The following MCPH1 variants were observed in gnomAD, a reference collection of about 807,000 sequenced individuals.
MCPH1 encodes microcephalin.
Under a neutral mutation model 84.5 loss-of-function variants are expected in MCPH1, and 104 were observed. That is an observed-to-expected ratio of 1.23 (90% CI 1.05 to 1.45). The LOEUF is 1.45. Ranked by LOEUF, MCPH1 falls within the 40% of genes most tolerant of loss-of-function variation. The probability of loss-of-function intolerance (pLI) is 0.00; values close to 1 mark genes in which losing one functional copy is unlikely to be tolerated. For missense variants in MCPH1, 1,498 were observed against 1,005.7 expected, an observed-to-expected ratio of 1.49 and a Z score of -6.62; for synonymous variants, 514 against 366.8, an observed-to-expected ratio of 1.40 and a Z score of -4.58.
At chr8:6,494,104 C>T (rs1810971308) in intron 11 of MCPH1, 1 of 152,080 alleles carries the variant, frequency 6.6e-6, no homozygotes, top group African/African-American at 2.4e-5. Flanking sequence ...CCACACCTGG[C>T]TAATTTTTAT....
At chr8:6,527,708 TA>T (rs1276035981) in intron 12 of MCPH1, 2 of 1,558,292 alleles carry the variant, frequency 1.3e-6, no homozygotes, top group South Asian at 1.2e-5. Flanking sequence ...TCCTATTAAT[TA>T]TTTTTTAATT....
intron 9 of MCPH1, among the ~76,000 whole-genome samples, chr8:6,458,365 G>A (rs1331803340): frequency 6.6e-6 from 1 of 151,470 alleles, no homozygotes; most frequent in Non-Finnish European, 1.5e-5. Context: ...CCAGCTCCTC[G>A]GAAGGCTGAG....
intron 13 of MCPH1, among the ~76,000 whole-genome samples, chr8:6,630,962 T>A (rs1797117313): frequency 6.6e-6 from 1 of 152,128 alleles, no homozygotes; most frequent in Non-Finnish European, 1.5e-5. Context: ...TAACCTCTCA[T>A]CCAACACAGA....
chr8:6,627,327 AGAG>A, intron 13 of MCPH1: 1 of 979,976 alleles, frequency 1.0e-6, no homozygotes, highest in African/African-American at 1.7e-5. Context: ...AGAGTGGCAG[AGAG>A]GAGAGTGAGG....
At chr8:6,605,927 C>A (rs899618469) in intron 12 of MCPH1, among the ~76,000 whole-genome samples, 1 of 152,108 alleles carries the variant, frequency 6.6e-6, no homozygotes, top group African/African-American at 2.4e-5. Context: ...GAATGCCTGA[C>A]CTCAAGTGAT....
chr8:6,470,977 C>A (rs1389750622), intron 9 of MCPH1, among the ~76,000 whole-genome samples: 1 of 152,210 alleles, frequency 6.6e-6, no homozygotes, highest in African/African-American at 2.4e-5. Flanking sequence ...TCATCTTATT[C>A]TTTCTCTAAA....
intron 12 of MCPH1, among the ~76,000 whole-genome samples, chr8:6,505,293 A>ATT (rs1563305690): frequency 3.6e-4 from 25 of 69,568 alleles, no homozygotes; most frequent in East Asian, 1.8e-3. Context: ...TATGTTATAT[A>ATT]CATATATATG....
At chr8:6,442,235 G>T in intron 7 of MCPH1, 79 bp downstream of exon 7, 1 of 892,276 alleles carries the variant, frequency 1.1e-6, no homozygotes. Context: ...ATTTCATGTA[G>T]CAACTTCTGA....
At chr8:6,471,030 C>G (rs897321926) in intron 9 of MCPH1, among the ~76,000 whole-genome samples, 2 of 152,170 alleles carry the variant, frequency 1.3e-5, no homozygotes, top group Admixed American at 6.5e-5. Flanking sequence ...TATCGAAGGT[C>G]CTTTTTTTTC....
chr8:6,505,388 T>TACATAAAGA lies in MCPH1; in HGVS notation c.2214+5460_2214+5461insCATAAAGAA, dbSNP rs1563306744. 3.9e-3 allele frequency among the ~76,000 whole-genome samples: 241 copies of TACATAAAGA among 62,100 alleles called. 33 individuals carry two copies. Among genetic ancestry groups the TACATAAAGA allele is most frequent in the African/African-American group, 0.011 (224 of 19,810 alleles). The allele number at this position is 62,100 out of a possible 152,430, so 40.7% of individuals were successfully genotyped here. A position where few individuals can be genotyped will look rare whatever the true frequency, so the allele number is the denominator to read the frequency against. ...ATATAGAATATATATATTCTTTCTATATGTATATAGAATATATATATTCTT... is the reference window on the plus strand; with the variant it reads ...ATATAGAATATATATATTCTTTCTATACATAAAGAATGTATATAGAATATATATATTCTT... On this transcript the variant is annotated intron_variant, in intron 12 of 13. Transcript: ENST00000344683.
In MCPH1 at chr8:6,499,712, G is replaced by T. The variant is rs530411926; in HGVS notation, c.2137-140G>T. On this transcript the variant is annotated intron_variant, in intron 11 of 13. Coordinates refer to ENST00000344683, the MANE Select transcript of MCPH1 (RefSeq NM_024596.5). The stretch of plus-strand genomic sequence containing the variant: ...TTTATGCAACATGAAGATTCTGAAG[G>T]GACTTTGTTGTCTGAGAACACATCT... 108 of 709,872 alleles carry T rather than the reference G, an allele frequency of 1.5e-4. No individual in the cohort carries two copies. In the African/African-American group the frequency reaches 1.8e-3, roughly 12 times the overall value. 44.0% of individuals were successfully genotyped at this position (709,872 alleles called of 1,614,324 possible).
intron 12 of MCPH1, among the ~76,000 whole-genome samples, chr8:6,515,324 T>C (rs985368557): frequency 1.3e-5 from 2 of 152,162 alleles, no homozygotes; most frequent in African/African-American, 4.8e-5. Context: ...TTATGTGCAA[T>C]ACTAATCAGA....
intron 12 of MCPH1, among the ~76,000 whole-genome samples, chr8:6,536,313 C>T (rs1256302694): frequency 6.6e-6 from 1 of 152,160 alleles, no homozygotes; most frequent in Non-Finnish European, 1.5e-5. Flanking sequence ...CGCCTCACAT[C>T]AGCACAGGTG....
chr8:6,423,660 A>G (rs938519624), intron 3 of MCPH1, among the ~76,000 whole-genome samples: 4 of 152,016 alleles, frequency 2.6e-5, no homozygotes, highest in African/African-American at 9.7e-5. Flanking sequence ...GAGCTTCTGT[A>G]TGTATTACCT....
chr8:6,647,302 T>C lies in MCPH1; in HGVS notation c.*4253T>C, dbSNP rs948243712. The C allele has an allele frequency of 6.6e-6, 1 of 152,180 alleles. No homozygotes were observed. Among genetic ancestry groups the C allele is most frequent in the Non-Finnish European group, 1.5e-5 (1 of 68,034 alleles). 9.4% of individuals were successfully genotyped at this position (152,180 alleles called of 1,614,324 possible). Reference sequence around the variant, plus strand: ...ACATCTGACCAAGATATGGAGAAACTAGAACTCTCCTACATTGCTGGCATG... The same window carrying C: ...ACATCTGACCAAGATATGGAGAAACCAGAACTCTCCTACATTGCTGGCATG... On this transcript the variant is annotated 3_prime_UTR_variant, in exon 14 of 14. Transcript: ENST00000344683.
At chr8:6,518,462 G>T (rs1816714088) in intron 12 of MCPH1, among the ~76,000 whole-genome samples, 1 of 152,130 alleles carries the variant, frequency 6.6e-6, no homozygotes, top group Admixed American at 6.5e-5. Context: ...AATTTTCAGG[G>T]TTGATTTAAC....
chr8:6,533,560 G>A (rs1347117289), intron 12 of MCPH1, among the ~76,000 whole-genome samples: 1 of 117,364 alleles, frequency 8.5e-6, no homozygotes, highest in Non-Finnish European at 1.8e-5. Context: ...GATACTTAGC[G>A]TTTAGTTTCT....
At chr8:6,641,687 TG>T (rs1350337303) in intron 13 of MCPH1, among the ~76,000 whole-genome samples, 2 of 152,154 alleles carry the variant, frequency 1.3e-5, no homozygotes, top group East Asian at 3.8e-4. Flanking sequence ...GAGGCTGCAG[TG>T]AGTCATGTTT....
intron 12 of MCPH1, among the ~76,000 whole-genome samples, chr8:6,584,344 A>C (rs1052728696): frequency 6.6e-6 from 1 of 152,204 alleles, no homozygotes; most frequent in Non-Finnish European, 1.5e-5. Flanking sequence ...GTGAACCATA[A>C]AAAGCTGAAA....
Sources: gnomAD v4.1 joint callset for allele counts (sites outside exome capture counted in the v4.1 genomes callset) on GRCh38, gnomAD v4.1.1 for gene constraint, MANE v1.5 for transcripts, NCBI Gene and HGNC (gene_info 2026-07-23, HGNC 2026-07-21) for gene names.